NTPCR: variants seen among roughly 807,000 people sequenced by gnomAD.
The protein encoded by NTPCR is cancer-related nucleoside-triphosphatase.
A neutral mutation model predicts 19.5 loss-of-function variants in NTPCR; 15 were observed. The observed-to-expected ratio is 0.77, with a 90% confidence interval of 0.51 to 1.18. The LOEUF (loss-of-function observed/expected upper bound fraction) is 1.18. Ranked by LOEUF, NTPCR falls within the 50% of genes most tolerant of loss-of-function variation. The pLI is 0.00. For synonymous variants in NTPCR, 90 were observed against 95.8 expected (o/e 0.94, Z 0.36); for missense variants, 206 against 240.4 (o/e 0.86, Z 0.95).
intron 1 of NTPCR, among the ~76,000 whole-genome samples, chr1:232,952,503 C>T (rs766334648): frequency 6.6e-6 from 1 of 151,764 alleles, no homozygotes; most frequent in Non-Finnish European, 1.5e-5. Flanking sequence ...GCCACCTTAC[C>T]CATCTTTTTT....
Position 232,979,099 on chromosome 1 carries a change from T to A in NTPCR, c.*868T>A, listed in dbSNP as rs1350702672. 6.6e-6 allele frequency: 1 copy of A among 152,038 alleles called. No individual in the cohort carries two copies. The highest frequency in any genetic ancestry group is 6.6e-5 in the Admixed American group (1 of 15,260). 9.4% of individuals were successfully genotyped at this position (152,038 alleles called of 1,614,324 possible). ...CTTATCAGGAATAATGGTGTAGCAA[T>A]GCGGAGTTCAGCCCATAACAGGGGT... On this transcript the variant is annotated 3_prime_UTR_variant, in exon 5 of 5. Transcript: ENST00000366628. The surrounding 1 kb of genome is among the most constrained non-coding windows in gnomAD (Gnocchi z 5.3).
At chr1:232,956,028 ACTC>A (rs1469763349) in intron 2 of NTPCR, among the ~76,000 whole-genome samples, 1 of 152,032 alleles carries the variant, frequency 6.6e-6, no homozygotes, top group Non-Finnish European at 1.5e-5. Flanking sequence ...CAAGTCATAA[ACTC>A]CTCTCACTTT....
Position 232,969,977 on chromosome 1 carries a change from C to T in NTPCR, c.363C>T (p.Phe121=), listed in dbSNP as rs1256532235. ...VIDEIGKMEL[F]SQLFIQAVRQ... ...ATGAGATTGGGAAGATGGAGCTCTTCAGTCAGCTTTTCATTCAAGCTGTTC... is the reference window on the plus strand; with the variant it reads ...ATGAGATTGGGAAGATGGAGCTCTTTAGTCAGCTTTTCATTCAAGCTGTTC... Residue 121 remains phenylalanine (F), a synonymous_variant, in exon 4 of 5, where the codon TTC becomes TTT. Coordinates refer to ENST00000366628, the MANE Select transcript of NTPCR (RefSeq NM_032324.3). 6.2e-7 allele frequency: 1 copy of T among 1,614,080 alleles called. No individual in the cohort carries two copies. Among genetic ancestry groups the T allele is most frequent in the East Asian group, 2.2e-5 (1 of 44,872 alleles).
chr1:232,967,892 C>T (rs1455512377), intron 3 of NTPCR: 1 of 152,210 alleles, frequency 6.6e-6, no homozygotes, highest in Non-Finnish European at 1.5e-5. Context: ...GGCATGCCCC[C>T]AGGAAGACAG....
intron 4 of NTPCR, among the ~76,000 whole-genome samples, chr1:232,970,632 C>T (rs1420949702): frequency 6.6e-6 from 1 of 152,238 alleles, no homozygotes; most frequent in Non-Finnish European, 1.5e-5. Context: ...GAAATGTGCT[C>T]TCTGCATTGC....
intron 3 of NTPCR, chr1:232,964,792 T>TCATTAGAAA (rs748035121): frequency 4.6e-5 from 7 of 152,242 alleles, no homozygotes; most frequent in Non-Finnish European, 8.8e-5. Flanking sequence ...TTCTTTCTCC[T>TCATTAGAAA]CAGGCAGTTT....
chr1:232,982,941 A>G lies in NTPCR; in HGVS notation c.*4710A>G, dbSNP rs1264174887. 6.6e-6 allele frequency: 1 copy of G among 152,214 alleles called. No individual in the cohort carries two copies. The highest frequency in any genetic ancestry group is 1.5e-5 in the Non-Finnish European group (1 of 68,024). The allele number at this position is 152,214 out of a possible 1,614,324, so 9.4% of individuals were successfully genotyped here. A position where few individuals can be genotyped will look rare whatever the true frequency, so the allele number is the denominator to read the frequency against. Reference sequence around the variant, plus strand: ...TGCAGCAAGGCCCTATCAGCTTCCCATTAGACAAACAACTGCATTTAAATT... The same window carrying G: ...TGCAGCAAGGCCCTATCAGCTTCCCGTTAGACAAACAACTGCATTTAAATT... On this transcript the variant is annotated 3_prime_UTR_variant, in exon 5 of 5. Transcript: ENST00000366628.
chr1:232,975,031 T>TG (rs1321281198), intron 4 of NTPCR, among the ~76,000 whole-genome samples: 25 of 152,236 alleles, frequency 1.6e-4, no homozygotes, highest in Non-Finnish European at 1.8e-4. Flanking sequence ...TCCCAATGAG[T>TG]GTGTCATTGA....
rs55951151 is a variant in NTPCR, at chr1:232,955,530, C to CTTTTTT, written c.35-13_35-8dup. 1.6e-4 allele frequency: 211 copies of CTTTTTT among 1,351,344 alleles called. 9 individuals carry two copies. The highest frequency in any genetic ancestry group is 8.1e-4 in the Middle Eastern group (3 of 3,706). 83.7% of individuals were successfully genotyped at this position (1,351,344 alleles called of 1,614,324 possible). On this transcript the variant is annotated intron_variant, in intron 1 of 4. Transcript: ENST00000366628. Reference sequence around the variant, plus strand: ...GAATGTTTCCTAATGGGCTTTTCTTCTTTTTTTTTTTTTTTTTTTATTTTA... The same window carrying CTTTTTT: ...GAATGTTTCCTAATGGGCTTTTCTTCTTTTTTTTTTTTTTTTTTTTTTTTTATTTTA...
intron 4 of NTPCR, among the ~76,000 whole-genome samples, chr1:232,972,663 A>G (rs1182269283): frequency 2.7e-5 from 4 of 148,948 alleles, no homozygotes; most frequent in Non-Finnish European, 5.9e-5. Context: ...AAGAGCTGAA[A>G]CAATCTGCCT....
intron 3 of NTPCR, chr1:232,962,301 G>A (rs1159928783): frequency 6.6e-6 from 1 of 151,924 alleles, no homozygotes; most frequent in East Asian, 1.9e-4. Flanking sequence ...TGACATAAAG[G>A]GTGTCTTAAT....
Position 232,978,318 on chromosome 1 carries a change from T to C in NTPCR, c.*87T>C, listed in dbSNP as rs1180888121. The C allele has an allele frequency of 1.0e-4, 108 of 1,082,836 alleles. No individual in the cohort carries two copies. Among genetic ancestry groups the C allele is most frequent in the Non-Finnish European group, 2.8e-6 (2 of 721,076 alleles). The allele number at this position is 1,082,836 out of a possible 1,614,324, so 67.1% of individuals were successfully genotyped here. On this transcript the variant is annotated 3_prime_UTR_variant, in exon 5 of 5. Transcript: ENST00000366628. ...CCTGCCTGTCGAGGCTGTATGCCTATGGGGTTATGGAACCTTGTGGGCTTT... is the reference window on the plus strand; with the variant it reads ...CCTGCCTGTCGAGGCTGTATGCCTACGGGGTTATGGAACCTTGTGGGCTTT...
At chr1:232,957,631 G>A (rs1003387813) in intron 3 of NTPCR, among the ~76,000 whole-genome samples, 2 of 152,030 alleles carry the variant, frequency 1.3e-5, no homozygotes, top group African/African-American at 4.8e-5. Flanking sequence ...ACCAGCTTTT[G>A]TTTTATTGAT....
intron 4 of NTPCR, among the ~76,000 whole-genome samples, chr1:232,970,457 A>G (rs1668944807): frequency 6.6e-6 from 1 of 152,166 alleles, no homozygotes; most frequent in Non-Finnish European, 1.5e-5. Flanking sequence ...GAAAGGCGCC[A>G]GGTTGGGATA....
intron 3 of NTPCR, among the ~76,000 whole-genome samples, chr1:232,961,470 G>T (rs949979413): frequency 6.6e-6 from 1 of 152,090 alleles, no homozygotes; most frequent in Non-Finnish European, 1.5e-5. Context: ...TTACTAATGG[G>T]GTTAAATGTT....
intron 4 of NTPCR, among the ~76,000 whole-genome samples, chr1:232,974,049 A>G (rs925700208): frequency 6.6e-6 from 1 of 152,218 alleles, no homozygotes; most frequent in African/African-American, 2.4e-5. Context: ...AAAGACATAA[A>G]CCTACATTTT....
rs138687966 is a variant in NTPCR at position 232,969,945 on chromosome 1, G to A, written c.331G>A (p.Val111Ile). ...CAGTGGCCCAGGGCAAAGAGTGTGC[G>A]TCATCGATGAGATTGGGAAGATGGA... ...CSSGPGQRVCVIDEIGKMELF... is the reference protein window; with the variant it reads ...CSSGPGQRVCIIDEIGKMELF... The change falls in exon 4 of 5, where the codon GTC becomes ATC. Residue 111 changes from valine (V) to isoleucine (I), a missense_variant. Val to Ile is a conservative substitution (Grantham distance 29). Transcript: ENST00000366628. The A allele has an allele frequency of 2.8e-5, 45 of 1,614,082 alleles. No individual in the cohort carries two copies. The African/African-American group carries it at 4.4e-4, about 16-fold the overall frequency.
In NTPCR at chr1:232,955,530, CTTTTTT is replaced by C; in HGVS notation, c.35-13_35-8del. ...GAATGTTTCCTAATGGGCTTTTCTT[CTTTTTT>C]TTTTTTTTTTTTTATTTTAGGAGTT... is the stretch of plus-strand genomic sequence containing the variant. On this transcript the variant is annotated intron_variant, in intron 1 of 4. Transcript: ENST00000366628. 7 of 1,351,048 alleles carry C rather than the reference CTTTTTT, an allele frequency of 5.2e-6. No individual in the cohort carries two copies. The highest frequency in any genetic ancestry group is 2.7e-5 in the East Asian group (1 of 36,876). The allele number at this position is 1,351,048 out of a possible 1,614,324, so 83.7% of individuals were successfully genotyped here. A position where few individuals can be genotyped will look rare whatever the true frequency, so the allele number is the denominator to read the frequency against.
At chr1:232,976,063 A>C (rs1669113901) in intron 4 of NTPCR, among the ~76,000 whole-genome samples, 1 of 152,226 alleles carries the variant, frequency 6.6e-6, no homozygotes, top group East Asian at 1.9e-4. Flanking sequence ...TAATTTTCAG[A>C]AATAATCTTA....
Sources: allele counts gnomAD v4.1 joint callset (sites outside exome capture counted in the v4.1 genomes callset), GRCh38; gene constraint gnomAD v4.1.1; non-coding constraint Gnocchi (gnomAD v3.1); transcripts MANE v1.5; gene names NCBI Gene and HGNC (gene_info 2026-07-23, HGNC 2026-07-21).